Variants in DOK6 observed in about 807,000 individuals in gnomAD.
The protein encoded by DOK6 is docking protein 6.
DOK6 carries 22 observed loss-of-function variants against 44.0 expected under a neutral mutation model. That is an observed-to-expected ratio of 0.50 (90% CI 0.36 to 0.71). DOK6 has a LOEUF of 0.71. Among genes scored for constraint, DOK6 ranks in the 30% least tolerant of loss-of-function variants. DOK6 has a pLI of 0.00. For missense variants in DOK6, 340 were observed against 416.4 expected, an observed-to-expected ratio of 0.82 and a Z score of 1.60; for synonymous variants, 166 against 145.5, an observed-to-expected ratio of 1.14 and a Z score of -1.01.
chr18:69,529,006 G>A (rs991165497), intron 1 of DOK6, among the ~76,000 whole-genome samples: 2 of 152,108 alleles, frequency 1.3e-5, no homozygotes, highest in Admixed American at 1.3e-4. Context: ...CCCTTTTGTA[G>A]GCAGACCTTG....
chr18:69,581,076 G>A (rs537994992), intron 2 of DOK6, among the ~76,000 whole-genome samples: 13 of 152,042 alleles, frequency 8.6e-5, no homozygotes, highest in African/African-American at 1.4e-4. Context: ...GTGTATATAC[G>A]GCACACTTTC....
Position 69,492,879 on chromosome 18 carries a change from T to C in DOK6, c.67-71608T>C, listed in dbSNP as rs1056526806. On this transcript the variant is annotated intron_variant, in intron 1 of 7. Transcript: ENST00000382713. ...GTGTAAGAAATACTCAAAAGGAACG[T>C]TTTCTTTTCTTGAGTATTTAGCTTC... 1.0e-4 allele frequency among the ~76,000 whole-genome samples: 15 copies of C among 143,636 alleles called. 1 individual carries two copies. The highest frequency in any genetic ancestry group is 2.8e-4 in the Admixed American group (4 of 14,160). The allele number at this position is 143,636 out of a possible 152,430, so 94.2% of individuals were successfully genotyped here. A position where few individuals can be genotyped will look rare whatever the true frequency, so the allele number is the denominator to read the frequency against.
At chr18:69,682,925 T>A (rs1348937371) in intron 4 of DOK6, among the ~76,000 whole-genome samples, 1 of 152,204 alleles carries the variant, frequency 6.6e-6, no homozygotes, top group Non-Finnish European at 1.5e-5. Context: ...TGTCCATCAA[T>A]GATTAAAGCC....
chr18:69,636,689 A>G lies in DOK6; in HGVS notation c.289+37191A>G, dbSNP rs573834061. 2.6e-5 allele frequency among the ~76,000 whole-genome samples: 4 copies of G among 152,272 alleles called. No individual in the cohort carries two copies. In the South Asian group the frequency reaches 8.3e-4, roughly 32 times the overall value. ...GCTTATGTTCCCTCTCACTTCTGCT[A>G]GCTGCTCTTCTTGCAGTTACTGTAT... is the stretch of plus-strand genomic sequence containing the variant. On this transcript the variant is annotated intron_variant, in intron 3 of 7. Coordinates refer to ENST00000382713, the MANE Select transcript of DOK6 (RefSeq NM_152721.6).
chr18:69,808,553 CAGAGA>C (rs1981123033), intron 7 of DOK6, among the ~76,000 whole-genome samples: 1 of 151,828 alleles, frequency 6.6e-6, no homozygotes, highest in East Asian at 1.9e-4. Flanking sequence ...CTAAGAGAAA[CAGAGA>C]AGAGACTCAA....
intron 7 of DOK6, among the ~76,000 whole-genome samples, chr18:69,772,238 A>T (rs532699161): frequency 2.1e-4 from 32 of 152,138 alleles, no homozygotes; most frequent in African/African-American, 7.5e-4. Context: ...GTGGAAAGAC[A>T]TCTTGTATTC....
Position 69,841,268 on chromosome 18 carries a change from T to A in DOK6, c.881T>A (p.Met294Lys), listed in dbSNP as rs768980813. The A allele has an allele frequency of 6.2e-7, 1 of 1,614,248 alleles. No homozygotes were observed. ...GGTCATGGGTTTGGTTCGTCAAAGATGTCTCGTGCACAGACATTTCCCAGC... is the reference window on the plus strand; with the variant it reads ...GGTCATGGGTTTGGTTCGTCAAAGAAGTCTCGTGCACAGACATTTCCCAGC... ...LQGHGFGSSK[M>K]SRAQTFPSYA... Residue 294 changes from methionine (M) to lysine (K), a missense_variant, in exon 8 of 8, where the codon ATG becomes AAG. Coordinates refer to ENST00000382713, the MANE Select transcript of DOK6 (RefSeq NM_152721.6).
At chr18:69,431,152 G>A (rs1055617038) in intron 1 of DOK6, among the ~76,000 whole-genome samples, 9 of 152,144 alleles carry the variant, frequency 5.9e-5, no homozygotes, top group Admixed American at 1.3e-4. Flanking sequence ...TTATTGCAGC[G>A]TCTAGGGAGT....
At chr18:69,571,523 C>A (rs892617083) in intron 2 of DOK6, among the ~76,000 whole-genome samples, 4 of 151,876 alleles carry the variant, frequency 2.6e-5, no homozygotes, top group African/African-American at 9.7e-5. Context: ...AGCCTGAATG[C>A]AAATGGATGG....
At chr18:69,778,526 A>G (rs1030160103) in intron 7 of DOK6, among the ~76,000 whole-genome samples, 6 of 152,202 alleles carry the variant, frequency 3.9e-5, no homozygotes, top group Non-Finnish European at 7.3e-5. Context: ...TTTGAGAAAA[A>G]CAGACATGAA....
At chr18:69,766,240 G>C (rs943404160) in intron 7 of DOK6, among the ~76,000 whole-genome samples, 1 of 152,186 alleles carries the variant, frequency 6.6e-6, no homozygotes, top group Admixed American at 6.6e-5. Flanking sequence ...TATGGCCATA[G>C]TAGACACTGA....
intron 1 of DOK6, among the ~76,000 whole-genome samples, chr18:69,548,097 G>A (rs1796951562): frequency 6.6e-6 from 1 of 150,620 alleles, no homozygotes; most frequent in Non-Finnish European, 1.5e-5. Context: ...GGGACTACAG[G>A]TGCCTGCTAC....
At chr18:69,708,340 C>A (rs7228962) in intron 5 of DOK6, among the ~76,000 whole-genome samples, 29,340 of 152,020 alleles carry the variant, frequency 0.19, 2,919 homozygotes, top group South Asian at 0.22. Flanking sequence ...CAGACCGCTC[C>A]GACTCCGCTT....
chr18:69,678,396 G>A (rs1985972337), intron 4 of DOK6, among the ~76,000 whole-genome samples: 1 of 152,280 alleles, frequency 6.6e-6, no homozygotes, highest in South Asian at 2.1e-4. Context: ...ATAACTAATA[G>A]GTTAACTTGT....
intron 5 of DOK6, among the ~76,000 whole-genome samples, chr18:69,707,863 G>C (rs1043245271): frequency 2.6e-5 from 4 of 152,100 alleles, no homozygotes; most frequent in Non-Finnish European, 4.4e-5. Flanking sequence ...TAGGGACTCA[G>C]GAAAAGCTTC....
chr18:69,558,448 G>T (rs1982744249), intron 1 of DOK6, among the ~76,000 whole-genome samples: 1 of 152,066 alleles, frequency 6.6e-6, no homozygotes, highest in South Asian at 2.1e-4. Context: ...AAGAGGGGTA[G>T]AAGATGGAAC....
At chr18:69,457,296 T>A (rs1042753735) in intron 1 of DOK6, among the ~76,000 whole-genome samples, 5 of 152,216 alleles carry the variant, frequency 3.3e-5, no homozygotes, top group Non-Finnish European at 1.5e-5. Context: ...TATATTTAAA[T>A]CTCTAACTTA....
chr18:69,635,715 G>A (rs994271173), intron 3 of DOK6, among the ~76,000 whole-genome samples: 1 of 149,884 alleles, frequency 6.7e-6, no homozygotes, highest in African/African-American at 2.4e-5. Flanking sequence ...GGAAGAAGAT[G>A]TGTTGGGATC....
intron 1 of DOK6, among the ~76,000 whole-genome samples, chr18:69,481,863 T>C (rs928340325): frequency 5.3e-5 from 8 of 152,184 alleles, no homozygotes; most frequent in African/African-American, 1.9e-4. Flanking sequence ...TTCCTATTTC[T>C]CCACATCCTC....
Sources: allele counts gnomAD v4.1 joint callset (sites outside exome capture counted in the v4.1 genomes callset), GRCh38; gene constraint gnomAD v4.1.1; transcripts MANE v1.5; gene names NCBI Gene and HGNC (gene_info 2026-07-23, HGNC 2026-07-21).